PECAM1: variants seen among roughly 807,000 people sequenced by gnomAD.
PECAM1 encodes the protein platelet endothelial cell adhesion molecule.
In PECAM1, 8 loss-of-function variants were observed where a neutral mutation model predicts 13.8. That is an observed-to-expected ratio of 0.58 (90% CI 0.34 to 1.05). PECAM1 has a LOEUF of 1.05. Among genes scored for constraint, PECAM1 ranks in the 50% least tolerant of loss-of-function variants. The pLI, the probability that PECAM1 is intolerant of heterozygous loss-of-function variation, is 0.03. For synonymous variants in PECAM1, 136 were observed against 52.6 expected, an observed-to-expected ratio of 2.58 and a Z score of -6.86; for missense variants, 304 against 141.2, an observed-to-expected ratio of 2.15 and a Z score of -5.84.
intron 7 of PECAM1, 140 bp from the exon 8 acceptor site, chr17:64,356,538 A>C: frequency 2.5e-6 from 1 of 395,628 alleles, no homozygotes; most frequent in East Asian, 3.6e-5. Context: ...GCAGTGGTAT[A>C]ATCTCAGCTT....
chr17:64,323,852 C>T lies in PECAM1; in HGVS notation c.2188-7G>A, dbSNP rs370788312. Reference sequence around the variant, plus strand: ...CAAGGGAGCCTTCCGTTCTCTGTAGCGACAAGAAACAAGGCAAGTTATGAT... The same window carrying T: ...CAAGGGAGCCTTCCGTTCTCTGTAGTGACAAGAAACAAGGCAAGTTATGAT... On this transcript the variant is annotated splice_region_variant and splice_polypyrimidine_tract_variant and intron_variant, in intron 15 of 15. Coordinates refer to ENST00000563924, the MANE Select transcript of PECAM1 (RefSeq NM_000442.5). The T allele has an allele frequency of 1.4e-5, 11 of 804,968 alleles. No individual in the cohort carries two copies. Among genetic ancestry groups the T allele is most frequent in the Admixed American group, 5.1e-5 (3 of 59,030 alleles). 49.9% of individuals were successfully genotyped at this position (804,968 alleles called of 1,614,324 possible). A position where few individuals can be genotyped will look rare whatever the true frequency, so the allele number is the denominator to read the frequency against.
chr17:64,328,803 T>C (rs1555646118), intron 15 of PECAM1, among the ~76,000 whole-genome samples: 2 of 152,318 alleles, frequency 1.3e-5, no homozygotes, highest in East Asian at 3.9e-4. Flanking sequence ...AGATATTAGC[T>C]GCCCAGTTAA....
Position 64,386,660 on chromosome 17 carries a change from G to A in PECAM1, c.91+3829C>T, listed in dbSNP as rs1183851457. Among the ~76,000 whole-genome samples the A allele has an allele frequency of 3.3e-5, 5 of 152,156 alleles. No individual in the cohort carries two copies. In the South Asian group the frequency reaches 8.3e-4, roughly 25 times the overall value. On this transcript the variant is annotated intron_variant, in intron 2 of 15. Coordinates refer to ENST00000563924, the MANE Select transcript of PECAM1 (RefSeq NM_000442.5). ...GAAAATGCCACACGCAGCTGGGTGT[G>A]GTGGCTCATATCTGTTATCCCAGCA... is the stretch of plus-strand genomic sequence containing the variant.
At chr17:64,388,230 T>C (rs2036640694) in intron 2 of PECAM1, among the ~76,000 whole-genome samples, 3 of 152,102 alleles carry the variant, frequency 2.0e-5, no homozygotes, top group South Asian at 2.1e-4. Flanking sequence ...AAACAGGATG[T>C]TGTGGGTAAG....
At chr17:64,365,684 C>A (rs1245741951) in intron 5 of PECAM1, among the ~76,000 whole-genome samples, 1 of 150,592 alleles carries the variant, frequency 6.6e-6, no homozygotes, top group Non-Finnish European at 1.5e-5. Flanking sequence ...CAACAACTAT[C>A]TGATCTTTGA....
intron 15 of PECAM1, among the ~76,000 whole-genome samples, chr17:64,328,795 A>T (rs1351040203): frequency 2.0e-5 from 3 of 152,180 alleles, no homozygotes; most frequent in Non-Finnish European, 4.4e-5. Flanking sequence ...ATTTCTTCAG[A>T]TATTAGCTGC....
At position 64,332,876 on chromosome 17, in the gene PECAM1, G is replaced by C. The variant is rs1310187578; in HGVS notation, c.2165-3154C>G. ...CAAATAGAAAGTAGAAGGTGGACTG[G>C]GCGCAGTGGCTCACGCCTGTCATCC... On this transcript the variant is annotated intron_variant, in intron 14 of 15. Coordinates refer to ENST00000563924, the MANE Select transcript of PECAM1 (RefSeq NM_000442.5). Among the ~76,000 whole-genome samples, 4 of 152,368 alleles carry C rather than the reference G, an allele frequency of 2.6e-5. No homozygotes were observed. In the East Asian group the frequency reaches 7.7e-4, roughly 29 times the overall value.
chr17:64,366,740 C>T (rs1310646695), intron 5 of PECAM1, among the ~76,000 whole-genome samples: 1 of 147,012 alleles, frequency 6.8e-6, no homozygotes, highest in Admixed American at 7.0e-5. Context: ...AACCAAACAC[C>T]GCATCTTCTC....
chr17:64,383,934 C>G (rs2036537224), intron 2 of PECAM1, among the ~76,000 whole-genome samples: 1 of 152,204 alleles, frequency 6.6e-6, no homozygotes, highest in South Asian at 2.1e-4. Flanking sequence ...GAGTTCGAGA[C>G]CCGCTGGCCA....
intron 9 of PECAM1, 65 bp downstream of exon 9, chr17:64,354,868 C>G (rs1006066012): frequency 2.1e-5 from 10 of 471,040 alleles, no homozygotes; most frequent in African/African-American, 2.0e-4. Context: ...AAAAGCACCA[C>G]GCATCCCTGG....
At chr17:64,356,474 C>CT (rs201490938) in intron 7 of PECAM1, 76 bp from the exon 8 acceptor site, 17,859 of 316,450 alleles carry the variant, frequency 0.056, no homozygotes, top group Middle Eastern at 0.085. Flanking sequence ...CACTGCTCAA[C>CT]TTTTTTTTTT....
intron 4 of PECAM1, 174 bp from the exon 5 acceptor site, chr17:64,370,199 C>T: frequency 5.1e-6 from 2 of 390,744 alleles, no homozygotes; most frequent in Non-Finnish European, 9.0e-6. Flanking sequence ...TACTCCCTCC[C>T]TTCTCGCTCA....
intron 14 of PECAM1, among the ~76,000 whole-genome samples, chr17:64,335,837 A>G (rs1364983880): frequency 5.3e-5 from 8 of 152,238 alleles, no homozygotes; most frequent in Non-Finnish European, 1.2e-4. Context: ...TAATTAGAGT[A>G]TAGGGAGAAA....
chr17:64,342,924 C>A, intron 13 of PECAM1, among the ~76,000 whole-genome samples: 1 of 152,162 alleles, frequency 6.6e-6, no homozygotes, highest in East Asian at 1.9e-4. Context: ...TATGTACAAA[C>A]ATGCAATCTG....
At chr17:64,384,707 T>C (rs1330736617) in intron 2 of PECAM1, among the ~76,000 whole-genome samples, 2 of 152,194 alleles carry the variant, frequency 1.3e-5, no homozygotes, top group Non-Finnish European at 2.9e-5. Flanking sequence ...TTATCTGCAA[T>C]CTAATGAGAC....
In PECAM1 at chr17:64,323,065, T is replaced by C; in HGVS notation, c.*751A>G. 2.0e-6 allele frequency: 2 copies of C among 984,828 alleles called. No homozygotes were observed. The highest frequency in any genetic ancestry group is 2.4e-6 in the Non-Finnish European group (2 of 829,384). The allele number at this position is 984,828 out of a possible 1,614,324, so 61.0% of individuals were successfully genotyped here. On this transcript the variant is annotated 3_prime_UTR_variant, in exon 16 of 16. Transcript: ENST00000563924. ...AACATACACATTTCAAGTTTTCAAT[T>C]AAGAATAATATTTGCTGATGGCACC... is the stretch of plus-strand genomic sequence containing the variant.
intron 5 of PECAM1, among the ~76,000 whole-genome samples, chr17:64,369,291 AC>A (rs2036184972): frequency 6.6e-6 from 1 of 152,046 alleles, no homozygotes; most frequent in Non-Finnish European, 1.5e-5. Flanking sequence ...CTGTCATAGG[AC>A]CCACGTCTGG....
intron 4 of PECAM1, 190 bp from the exon 5 acceptor site, chr17:64,370,215 G>C (rs2036209462): frequency 5.2e-6 from 2 of 382,122 alleles, no homozygotes; most frequent in Non-Finnish European, 9.3e-6. Context: ...GCTCACTCTT[G>C]CATCTTCAGG....
intron 2 of PECAM1, chr17:64,390,172 G>A (rs1448960376): frequency 2.0e-5 from 7 of 346,184 alleles, no homozygotes; most frequent in Non-Finnish European, 3.1e-5. Context: ...GACTAGTCAA[G>A]AGTAGTCGTG....
Sources: gnomAD v4.1 joint callset for allele counts (sites outside exome capture counted in the v4.1 genomes callset) on GRCh38, gnomAD v4.1.1 for gene constraint, MANE v1.5 for transcripts, NCBI Gene and HGNC (gene_info 2026-07-23, HGNC 2026-07-21) for gene names.